The following MMS19 variants were observed in gnomAD, a reference collection of about 807,000 sequenced individuals.
MMS19 encodes the protein MMS19 cytosolic iron-sulfur assembly component.
A neutral mutation model predicts 129.8 loss-of-function variants in MMS19; 77 were observed. The ratio of observed to expected loss-of-function variants is 0.59; its 90% CI spans 0.49 to 0.72. The LOEUF (loss-of-function observed/expected upper bound fraction) is 0.72, where lower values mean the gene tolerates loss of function less well. Ranked by LOEUF, MMS19 falls within the 30% of genes least tolerant of loss-of-function variation. The pLI is 0.00. For synonymous variants in MMS19, 491 were observed against 502.8 expected, an observed-to-expected ratio of 0.98 and a Z score of 0.31; for missense variants, 1,168 against 1,266.3, an observed-to-expected ratio of 0.92 and a Z score of 1.18.
chr10:97,476,701 G>C lies in MMS19; in HGVS notation c.666C>G (p.Phe222Leu), dbSNP rs1414722299. The change falls in exon 8 of 31, where the codon TTC becomes TTG. Residue 222 changes from phenylalanine (F) to leucine (L), a missense_variant. This residue lies in a region of MMS19 where 329 missense variants were observed against 328.6 expected (regional missense o/e 1.00). Coordinates refer to ENST00000438925, the MANE Select transcript of MMS19 (RefSeq NM_022362.5). ...TACTTACAGGGGTAAAATCGATAGG[G>C]AAATAACAGGATGTCACTTCAAACA... is the stretch of plus-strand genomic sequence containing the variant. ...EELFEVTSCY[F>L]PIDFTPPPND... 1 of 1,613,760 alleles carries C rather than the reference G, an allele frequency of 6.2e-7. No individual in the cohort carries two copies. Among genetic ancestry groups the C allele is most frequent in the East Asian group, 2.2e-5 (1 of 44,890 alleles).
chr10:97,498,149 TA>T, intron 1 of MMS19, 123 bp downstream of exon 1: 1 of 893,004 alleles, frequency 1.1e-6, no homozygotes, highest in Non-Finnish European at 1.7e-6. Context: ...CGGTGCTCAC[TA>T]ACCAGCCTTG....
intron 1 of MMS19, among the ~76,000 whole-genome samples, chr10:97,494,029 A>AAAC (rs568782030): frequency 4.6e-4 from 70 of 152,260 alleles, no homozygotes; most frequent in Non-Finnish European, 6.3e-4. Flanking sequence ...GCAAACAAAC[A>AAAC]AACAACAACA....
chr10:97,478,345 G>T lies in MMS19; in HGVS notation c.307C>A (p.His103Asn). Residue 103 changes from histidine to asparagine, a missense_variant, in exon 4 of 31, where the codon CAT (histidine) becomes AAT (asparagine). This residue lies in a region of MMS19 where 329 missense variants were observed against 328.6 expected (regional missense o/e 1.00). Transcript: ENST00000438925. The part of the protein sequence containing the change: ...LFYENRLKDH[H>N]LVIPSVLQGL... ...TGCAGGACAGATGGGATCACAAGAT[G>T]ATGGTCCTTCAGCCGGTTCTCATAG... 6.2e-7 allele frequency: 1 copy of T among 1,605,456 alleles called. No individual in the cohort carries two copies. The highest frequency in any genetic ancestry group is 8.5e-7 in the Non-Finnish European group (1 of 1,176,038).
chr10:97,469,109 C>T lies in MMS19; in HGVS notation c.925-5G>A, dbSNP rs1428020031. ...CTCACTTGCCGTCTGGAACACCTGT[C>T]AGGGAGGGATCCCATGGCTACTGAG... On this transcript the variant is annotated splice_polypyrimidine_tract_variant and splice_region_variant and intron_variant, in intron 11 of 30. Transcript: ENST00000438925. The T allele has an allele frequency of 5.7e-6, 9 of 1,570,218 alleles. No individual in the cohort carries two copies. The highest frequency in any genetic ancestry group is 6.9e-6 in the Non-Finnish European group (8 of 1,162,260).
intron 23 of MMS19, 124 bp downstream of exon 23, chr10:97,461,372 T>C (rs2031855290): frequency 1.7e-6 from 2 of 1,196,410 alleles, no homozygotes; most frequent in Non-Finnish European, 2.3e-6. Flanking sequence ...GGACAGTGCT[T>C]GAGCAGTTGA....
Position 97,477,469 on chromosome 10 carries a change from T to G in MMS19, c.424-53A>C. ...GAAAATGCTCAAAGAATACCTCAGC[T>G]GACACAGCTAGTTCCTGCTTCATAA... On this transcript the variant is annotated intron_variant, in intron 5 of 30. Transcript: ENST00000438925. The G allele has an allele frequency of 1.9e-6, 3 of 1,613,088 alleles. No homozygotes were observed. In the South Asian group the frequency reaches 3.3e-5, roughly 18 times the overall value.
chr10:97,465,389 C>T (rs1203902973), intron 18 of MMS19, among the ~76,000 whole-genome samples: 6 of 152,020 alleles, frequency 3.9e-5, no homozygotes, highest in African/African-American at 7.3e-5. Flanking sequence ...CTGCAACCTC[C>T]GCCTTGTGGG....
intron 2 of MMS19, among the ~76,000 whole-genome samples, chr10:97,482,327 T>C (rs940808107): frequency 6.6e-6 from 1 of 152,188 alleles, no homozygotes; most frequent in African/African-American, 2.4e-5. Flanking sequence ...AATATGCATA[T>C]CCATAAAACG....
intron 1 of MMS19, among the ~76,000 whole-genome samples, chr10:97,493,380 C>T (rs1011216791): frequency 3.9e-5 from 6 of 152,024 alleles, no homozygotes; most frequent in African/African-American, 1.2e-4. Flanking sequence ...AGTTGGAGAC[C>T]ACCTTGGGCA....
At position 97,476,835 on chromosome 10, in the gene MMS19, C is replaced by G; in HGVS notation, c.622G>C (p.Gly208Arg). 6.2e-7 allele frequency: 1 copy of G among 1,613,894 alleles called. No individual in the cohort carries two copies. The highest frequency in any genetic ancestry group is 8.5e-7 in the Non-Finnish European group (1 of 1,179,866). The change falls in exon 7 of 31, where the codon GGA (glycine) becomes CGA (arginine). Residue 208 changes from glycine to arginine, a missense_variant and splice_region_variant. Coordinates refer to ENST00000438925, the MANE Select transcript of MMS19 (RefSeq NM_022362.5). The stretch of plus-strand genomic sequence containing the variant: ...GCTAATCATGGCTACCACGATATAC[C>G]CAGGCTATAGTCCCTGGAGATGAGG... ...HDLISRDYSLGPFVEELFEVT... is the reference protein window; with the variant it reads ...HDLISRDYSLRPFVEELFEVT...
intron 16 of MMS19, 62 bp downstream of exon 16, chr10:97,466,442 C>T: frequency 1.5e-6 from 2 of 1,334,904 alleles, no homozygotes; most frequent in Admixed American, 1.7e-5. Flanking sequence ...CTAGCTTGAT[C>T]TTTTGCTGCC....
intron 2 of MMS19, among the ~76,000 whole-genome samples, chr10:97,483,827 C>T (rs978936300): frequency 3.3e-5 from 5 of 152,246 alleles, no homozygotes; most frequent in African/African-American, 4.8e-5. Context: ...CCTTCAACCA[C>T]GTACCTCATC....
At chr10:97,473,287 C>T (rs1306458595) in intron 8 of MMS19, among the ~76,000 whole-genome samples, 2 of 152,072 alleles carry the variant, frequency 1.3e-5, no homozygotes, top group South Asian at 2.1e-4. Context: ...CCACCCGCCT[C>T]GGCCTCTTAA....
At chr10:97,490,281 T>C (rs762061021) in intron 1 of MMS19, among the ~76,000 whole-genome samples, 1 of 152,146 alleles carries the variant, frequency 6.6e-6, no homozygotes, top group Non-Finnish European at 1.5e-5. Flanking sequence ...GGTTTTGCCA[T>C]GTTGCCCAGG....
intron 1 of MMS19, among the ~76,000 whole-genome samples, chr10:97,491,992 G>C (rs180826855): frequency 6.6e-6 from 1 of 151,774 alleles, no homozygotes; most frequent in African/African-American, 2.4e-5. Flanking sequence ...ACAAAAACTA[G>C]CCGGGTGTGG....
In MMS19 at chr10:97,458,672, T is replaced by C. The variant is rs1270308816; in HGVS notation, c.*20A>G. The C allele has an allele frequency of 6.2e-7, 1 of 1,601,840 alleles. No homozygotes were observed. Among genetic ancestry groups the C allele is most frequent in the Non-Finnish European group, 8.5e-7 (1 of 1,173,948 alleles). The stretch of plus-strand genomic sequence containing the variant: ...ATCCCAGGTTAGATTGTCAGAACAG[T>C]CTAGGCCAGGACTGAGGGCTCAGCT... On this transcript the variant is annotated 3_prime_UTR_variant, in exon 31 of 31. Coordinates refer to ENST00000438925, the MANE Select transcript of MMS19 (RefSeq NM_022362.5).
chr10:97,494,790 T>C (rs547728675), intron 1 of MMS19, among the ~76,000 whole-genome samples: 1 of 152,334 alleles, frequency 6.6e-6, no homozygotes, highest in African/African-American at 2.4e-5. Context: ...GGGGTCTTCT[T>C]AGAGTCCTCT....
intron 27 of MMS19, 55 bp from the exon 28 acceptor site, chr10:97,459,581 T>C: frequency 6.2e-7 from 1 of 1,603,072 alleles, no homozygotes; most frequent in Non-Finnish European, 8.5e-7. Flanking sequence ...TCCTGGTTCT[T>C]GTTCCCTCCC....
chr10:97,470,658 G>A, intron 9 of MMS19, 117 bp downstream of exon 9: 1 of 637,298 alleles, frequency 1.6e-6, no homozygotes. Context: ...CAAGACACTT[G>A]CAGGGTGTCA....
Sources: allele counts gnomAD v4.1 joint callset (sites outside exome capture counted in the v4.1 genomes callset), GRCh38; gene constraint gnomAD v4.1.1; regional missense constraint gnomAD v4.1.1; transcripts MANE v1.5; gene names NCBI Gene and HGNC (gene_info 2026-07-23, HGNC 2026-07-21).